CCDC7: variants seen among roughly 807,000 people sequenced by gnomAD.
CCDC7 encodes the protein coiled-coil domain-containing protein 7.
A neutral mutation model predicts 196.9 loss-of-function variants in CCDC7; 183 were observed. The ratio of observed to expected loss-of-function variants is 0.93; its 90% CI spans 0.82 to 1.05. The LOEUF (loss-of-function observed/expected upper bound fraction) is 1.05, where lower values mean the gene tolerates loss of function less well. CCDC7 is among the 50% of genes least tolerant of loss of function. CCDC7 has a pLI of 0.00. For missense variants in CCDC7, 1,540 were observed against 1,482.2 expected, an observed-to-expected ratio of 1.04 and a Z score of -0.64; for synonymous variants, 525 against 484.6, an observed-to-expected ratio of 1.08 and a Z score of -1.10.
intron 25 of CCDC7, among the ~76,000 whole-genome samples, chr10:32,717,286 G>T (rs1427793781): frequency 6.6e-6 from 1 of 152,134 alleles, no homozygotes; most frequent in Non-Finnish European, 1.5e-5. Context: ...TGACTACTGG[G>T]TAAATAACGA....
intron 28 of CCDC7, among the ~76,000 whole-genome samples, chr10:32,740,545 T>C (rs1460947698): frequency 6.6e-6 from 1 of 152,176 alleles, no homozygotes; most frequent in Non-Finnish European, 1.5e-5. Context: ...GACTTGACTA[T>C]GTGCAGATTT....
chr10:32,553,103 C>CTTTTTTTTTTTTTTTTTTTTTTTTTTTTT (rs34656193), intron 13 of CCDC7, among the ~76,000 whole-genome samples: 1 of 123,624 alleles, frequency 8.1e-6, no homozygotes, highest in Non-Finnish European at 1.7e-5. Context: ...TTCTTGGAGT[C>CTTTTTTTTTTTTTTTTTTTTTTTTTTTTT]TTTTTTTTTT....
At chr10:32,756,755 T>A (rs965500026) in intron 28 of CCDC7, among the ~76,000 whole-genome samples, 5 of 152,202 alleles carry the variant, frequency 3.3e-5, no homozygotes, top group African/African-American at 1.2e-4. Flanking sequence ...CATAACAGTA[T>A]TAACCTTAAA....
chr10:32,714,248 G>T (rs150662083), intron 25 of CCDC7, among the ~76,000 whole-genome samples: 3 of 152,304 alleles, frequency 2.0e-5, no homozygotes, highest in East Asian at 1.9e-4. Flanking sequence ...AGCTCAAGGA[G>T]GGCGAGCAGA....
chr10:32,480,297 T>C (rs1281176471), intron 8 of CCDC7, among the ~76,000 whole-genome samples: 2 of 152,044 alleles, frequency 1.3e-5, no homozygotes, highest in African/African-American at 4.8e-5. Context: ...TGAGCTCTTT[T>C]GTCTTTTTTT....
At chr10:32,798,788 G>C (rs1189918604) in intron 29 of CCDC7, among the ~76,000 whole-genome samples, 4 of 152,196 alleles carry the variant, frequency 2.6e-5, no homozygotes, top group Non-Finnish European at 5.9e-5. Flanking sequence ...CTGTCCTTCA[G>C]GGATGTCCTA....
intron 9 of CCDC7, 54 bp from the exon 11 acceptor site, chr10:32,517,891 A>G (rs1385478375): frequency 1.3e-6 from 2 of 1,557,230 alleles, no homozygotes; most frequent in East Asian, 4.7e-5. Flanking sequence ...GTGTTTCATA[A>G]ATTAAAATAT....
At chr10:32,685,013 A>T (rs1009058128) in intron 21 of CCDC7, among the ~76,000 whole-genome samples, 13 of 152,010 alleles carry the variant, frequency 8.6e-5, no homozygotes, top group African/African-American at 3.1e-4. Flanking sequence ...AGTAAAAAAT[A>T]TGCGAGGTAT....
At chr10:32,609,326 TCTGG>T (rs1313012257) in intron 18 of CCDC7, among the ~76,000 whole-genome samples, 1 of 152,164 alleles carries the variant, frequency 6.6e-6, no homozygotes, top group Non-Finnish European at 1.5e-5. Context: ...TGTTATATCC[TCTGG>T]CTGAGTTGAT....
At chr10:32,875,537 C>A (rs1056774030) in intron 41 of CCDC7, among the ~76,000 whole-genome samples, 3 of 151,886 alleles carry the variant, frequency 2.0e-5, no homozygotes, top group African/African-American at 7.2e-5. Context: ...GTTACTGTAG[C>A]CTTGTATCAT....
chr10:32,667,961 G>T (rs954676746), intron 21 of CCDC7, among the ~76,000 whole-genome samples: 4 of 152,056 alleles, frequency 2.6e-5, no homozygotes, highest in Non-Finnish European at 5.9e-5. Flanking sequence ...ACCTTGGGCA[G>T]TATGGCCATT....
intron 9 of CCDC7, chr10:32,499,366 A>T (rs1211663469): frequency 1.3e-5 from 2 of 152,160 alleles, no homozygotes; most frequent in African/African-American, 4.8e-5. Flanking sequence ...CTTTCAAAAT[A>T]AATTTATCAG....
At chr10:32,830,197 C>T (rs1454402792) in intron 32 of CCDC7, among the ~76,000 whole-genome samples, 2 of 116,818 alleles carry the variant, frequency 1.7e-5, no homozygotes, top group South Asian at 3.0e-4. Context: ...ACATCTGTGC[C>T]CACAGAGGAA....
At chr10:32,833,377 A>G (rs2092373080) in intron 32 of CCDC7, among the ~76,000 whole-genome samples, 1 of 151,488 alleles carries the variant, frequency 6.6e-6, no homozygotes, top group Non-Finnish European at 1.5e-5. Context: ...AGAAAGCTCA[A>G]TAAAATCCAT....
At chr10:32,706,744 C>T (rs1483423281) in intron 24 of CCDC7, among the ~76,000 whole-genome samples, 1 of 152,208 alleles carries the variant, frequency 6.6e-6, no homozygotes, top group Non-Finnish European at 1.5e-5. Flanking sequence ...TTCCTGGACA[C>T]ATATGCCCTC....
intron 24 of CCDC7, among the ~76,000 whole-genome samples, chr10:32,705,089 C>T (rs115330615): frequency 0.034 from 5,234 of 152,210 alleles, 312 homozygotes; most frequent in African/African-American, 0.12. Context: ...AGAAATCATT[C>T]GTGTTCTGCA....
intron 32 of CCDC7, among the ~76,000 whole-genome samples, chr10:32,829,923 G>A (rs1483862405): frequency 2.7e-5 from 4 of 150,858 alleles, no homozygotes; most frequent in African/African-American, 4.9e-5. Flanking sequence ...AGACTGGCCT[G>A]GCCTCCCAGC....
intron 24 of CCDC7, among the ~76,000 whole-genome samples, chr10:32,695,249 G>A (rs1423843071): frequency 6.6e-6 from 1 of 152,160 alleles, no homozygotes; most frequent in Non-Finnish European, 1.5e-5. Flanking sequence ...CTGTCAAAGG[G>A]TGTTTGCTTT....
intron 28 of CCDC7, among the ~76,000 whole-genome samples, chr10:32,762,458 A>G (rs1390963506): frequency 1.3e-5 from 2 of 151,704 alleles, no homozygotes; most frequent in African/African-American, 4.8e-5. Context: ...TTCCAATTAC[A>G]TTTTTAGAGA....
Sources: gnomAD v4.1 joint callset for allele counts (sites outside exome capture counted in the v4.1 genomes callset) on GRCh38, gnomAD v4.1.1 for gene constraint, MANE v1.5 for transcripts, NCBI Gene and HGNC (gene_info 2026-07-23, HGNC 2026-07-21) for gene names.